The following SNX31 variants were observed in gnomAD, a reference collection of about 807,000 sequenced individuals.
The protein encoded by SNX31 is sorting nexin 31.
A neutral mutation model predicts 65.4 loss-of-function variants in SNX31; 58 were observed. That is an observed-to-expected ratio of 0.89 (90% confidence interval 0.72 to 1.10). SNX31 has a LOEUF of 1.10. Ranked by LOEUF, SNX31 falls within the 50% of genes least tolerant of loss-of-function variation. SNX31 has a pLI of 0.00. For missense variants in SNX31, 523 were observed against 529.7 expected (o/e 0.99, Z 0.12); for synonymous variants, 181 against 190.1 (o/e 0.95, Z 0.39).
Position 100,575,436 on chromosome 8 carries a change from C to T in SNX31, c.1228-1476G>A, listed in dbSNP as rs530597160. On this transcript the variant is annotated intron_variant, in intron 13 of 13. Coordinates refer to ENST00000311812, the MANE Select transcript of SNX31 (RefSeq NM_152628.4). This position sits in a 1 kb window ranked among gnomAD's most constrained non-coding sequence, Gnocchi z 5.1. ...TAAATTAAAACTCAATATAGTTGGA[C>T]ACTAGGTCTCTTTCCGACCTGCTGG... Among the ~76,000 whole-genome samples the T allele has an allele frequency of 6.6e-6, 1 of 152,346 alleles. No individual in the cohort carries two copies. The highest frequency in any genetic ancestry group is 2.1e-4 in the South Asian group (1 of 4,830).
chr8:100,633,970 T>A (rs1818579696), intron 3 of SNX31, among the ~76,000 whole-genome samples: 1 of 152,200 alleles, frequency 6.6e-6, no homozygotes, highest in African/African-American at 2.4e-5. Context: ...TACACGCAAA[T>A]TGCTGCTAGG....
intron 8 of SNX31, among the ~76,000 whole-genome samples, chr8:100,603,926 C>T (rs569603857): frequency 5.9e-5 from 9 of 152,038 alleles, no homozygotes; most frequent in East Asian, 3.9e-4. Flanking sequence ...TTAGTAGAGA[C>T]GGGGGTTCAC....
At position 100,630,422 on chromosome 8, in the gene SNX31, C is replaced by T. The variant is rs749878671; in HGVS notation, c.257-31G>A. The T allele has an allele frequency of 5.0e-6, 8 of 1,605,050 alleles. No homozygotes were observed. The East Asian group carries it at 1.8e-4, about 36-fold the overall frequency. On this transcript the variant is annotated intron_variant, in intron 3 of 13. Coordinates refer to ENST00000311812, the MANE Select transcript of SNX31 (RefSeq NM_152628.4). The surrounding 1 kb of genome is among the most constrained non-coding windows in gnomAD (Gnocchi z 5.3). ...AAACATGGACGGTGAGCCAGGTTAG[C>T]ATGGGCTGGGCTGGGCCCTGCCTAT...
At chr8:100,661,003 C>T (rs1056810589) in intron 1 of SNX31, among the ~76,000 whole-genome samples, 2 of 118,396 alleles carry the variant, frequency 1.7e-5, no homozygotes, top group African/African-American at 8.0e-5. Flanking sequence ...AAAAGCAGGT[C>T]GATATTTTTT....
intron 8 of SNX31, among the ~76,000 whole-genome samples, chr8:100,606,455 T>C (rs763851682): frequency 2.0e-5 from 3 of 152,212 alleles, no homozygotes; most frequent in Non-Finnish European, 4.4e-5. Context: ...TTTGCCCTCT[T>C]AGAATTTAGA....
At chr8:100,581,337 C>CTATCTATCTATA (rs1554570506) in intron 12 of SNX31, among the ~76,000 whole-genome samples, 1 of 125,466 alleles carries the variant, frequency 8.0e-6, no homozygotes, top group African/African-American at 3.1e-5. Flanking sequence ...ATCTATCTAT[C>CTATCTATCTATA]TATATATATA....
rs144633857 is a variant in SNX31, at chr8:100,626,912, T to G, written c.321+3415A>C. On this transcript the variant is annotated intron_variant, in intron 4 of 13. Transcript: ENST00000311812. The surrounding 1 kb of genome is among the most constrained non-coding windows in gnomAD (Gnocchi z 4.4). ...AAATGGAAGAGGAAAATAAAGCCAT[T>G]ACAAAAGTGAAAATTGTGTTAGAAA... is the stretch of plus-strand genomic sequence containing the variant. Among the ~76,000 whole-genome samples the G allele has an allele frequency of 9.2e-3, 1,396 of 152,254 alleles. 11 individuals carry two copies. Among genetic ancestry groups the G allele is most frequent in the Non-Finnish European group, 0.015 (1,026 of 68,014 alleles).
chr8:100,649,652 G>C lies in SNX31; in HGVS notation c.-138C>G, dbSNP rs995639301. 1 of 767,136 alleles carries C rather than the reference G, an allele frequency of 1.3e-6. No individual in the cohort carries two copies. Among genetic ancestry groups the C allele is most frequent in the Non-Finnish European group, 2.0e-6 (1 of 493,776 alleles). The allele number at this position is 767,136 out of a possible 1,614,324, so 47.5% of individuals were successfully genotyped here. On this transcript the variant is annotated 5_prime_UTR_variant, in exon 1 of 14. Coordinates refer to ENST00000311812, the MANE Select transcript of SNX31 (RefSeq NM_152628.4). Reference sequence around the variant, plus strand: ...GCGAACCCCGGCGCCCGCTCTCGCCGGCCGGGGACATCTACAGGTGGGGCC... The same window carrying C: ...GCGAACCCCGGCGCCCGCTCTCGCCCGCCGGGGACATCTACAGGTGGGGCC...
intron 3 of SNX31, among the ~76,000 whole-genome samples, chr8:100,632,048 G>A (rs1818450897): frequency 6.6e-6 from 1 of 152,312 alleles, no homozygotes; most frequent in Non-Finnish European, 1.5e-5. Context: ...GCTCAGAGAA[G>A]GTAGGTATCT....
intron 8 of SNX31, among the ~76,000 whole-genome samples, chr8:100,603,701 C>T (rs1282254921): frequency 1.3e-5 from 2 of 151,298 alleles, no homozygotes; most frequent in Admixed American, 6.6e-5. Flanking sequence ...CTGCCTTAGC[C>T]TCCCAAAGTT....
At chr8:100,615,615 T>C (rs1214396785) in intron 5 of SNX31, among the ~76,000 whole-genome samples, 1 of 152,224 alleles carries the variant, frequency 6.6e-6, no homozygotes, top group African/African-American at 2.4e-5. Context: ...TTGCCTGCTA[T>C]ACACCTAGGC....
At chr8:100,643,514 G>A (rs1383393743) in intron 2 of SNX31, among the ~76,000 whole-genome samples, 1 of 152,134 alleles carries the variant, frequency 6.6e-6, no homozygotes, top group Non-Finnish European at 1.5e-5. Context: ...TCTGGGTGGT[G>A]GCATCTAGCA....
chr8:100,628,190 C>T (rs1160872100), intron 4 of SNX31, among the ~76,000 whole-genome samples: 2 of 152,258 alleles, frequency 1.3e-5, no homozygotes, highest in Admixed American at 1.3e-4. Flanking sequence ...GGCGATTCCT[C>T]AGGGATCTAG....
chr8:100,661,007 A>ATTT (rs10641759), intron 1 of SNX31, among the ~76,000 whole-genome samples: 25,649 of 140,466 alleles, frequency 0.18, 2,655 homozygotes, highest in Middle Eastern at 0.24. Flanking sequence ...GCAGGTCGAT[A>ATTT]TTTTTTTTTT....
chr8:100,596,779 C>T lies in SNX31; in HGVS notation c.838G>A (p.Asp280Asn). The T allele has an allele frequency of 6.2e-7, 1 of 1,614,052 alleles. No homozygotes were observed. Among genetic ancestry groups the T allele is most frequent in the Non-Finnish European group, 8.5e-7 (1 of 1,180,018 alleles). The change falls in exon 10 of 14, where the codon GAC becomes AAC. Residue 280 changes from aspartate to asparagine, a missense_variant. Coordinates refer to ENST00000311812, the MANE Select transcript of SNX31 (RefSeq NM_152628.4). ...GYLQLDPCTC[D>N]YPESGSGAVL... ...GCTCCAGAGCCTGATTCTGGGTAGT[C>T]ACAGGTACAAGGATCCAGCTGCAGG...
chr8:100,622,362 G>T lies in SNX31; in HGVS notation c.322-4632C>A, dbSNP rs1817755328. 6.6e-6 allele frequency among the ~76,000 whole-genome samples: 1 copy of T among 152,138 alleles called. No individual in the cohort carries two copies. Among genetic ancestry groups the T allele is most frequent in the African/African-American group, 2.4e-5 (1 of 41,446 alleles). ...CTAGCATAGTAGCGTCCGCAATGGG[G>T]CATTTTCCAGGTGTGGTGGCTCACG... On this transcript the variant is annotated intron_variant, in intron 4 of 13. Coordinates refer to ENST00000311812, the MANE Select transcript of SNX31 (RefSeq NM_152628.4). The surrounding 1 kb of genome is among the most constrained non-coding windows in gnomAD (Gnocchi z 5.0).
rs765883622 is a variant in SNX31, at chr8:100,630,948, C to A, written c.257-557G>T. ...GATTACAGGCACTCACCACCATGCC[C>A]GGCTAATTTTTGTATTTTTAGTAGA... is the stretch of plus-strand genomic sequence containing the variant. On this transcript the variant is annotated intron_variant, in intron 3 of 13. Transcript: ENST00000311812. The surrounding 1 kb of genome is among the most constrained non-coding windows in gnomAD (Gnocchi z 5.3). Among the ~76,000 whole-genome samples, 9 of 151,974 alleles carry A rather than the reference C, an allele frequency of 5.9e-5. No homozygotes were observed. The highest frequency in any genetic ancestry group is 1.3e-4 in the Non-Finnish European group (9 of 67,982).
At chr8:100,587,930 TAC>T (rs2130844092) in intron 11 of SNX31, among the ~76,000 whole-genome samples, 1 of 152,282 alleles carries the variant, frequency 6.6e-6, no homozygotes, top group East Asian at 1.9e-4. Flanking sequence ...AGAGTGTAGT[TAC>T]ACAAACCTAG....
intron 8 of SNX31, among the ~76,000 whole-genome samples, chr8:100,602,423 C>T (rs1355874285): frequency 6.6e-6 from 1 of 152,202 alleles, no homozygotes; most frequent in African/African-American, 2.4e-5. Flanking sequence ...TCCCCCTTAT[C>T]CTCAGGGGAC....
Sources: allele counts gnomAD v4.1 joint callset (sites outside exome capture counted in the v4.1 genomes callset), GRCh38; gene constraint gnomAD v4.1.1; non-coding constraint Gnocchi (gnomAD v3.1); transcripts MANE v1.5; gene names NCBI Gene and HGNC (gene_info 2026-07-23, HGNC 2026-07-21).